PRKCA: variants seen among roughly 807,000 people sequenced by gnomAD.
PRKCA encodes the protein protein kinase C alpha.
PRKCA carries 27 observed loss-of-function variants against 87.0 expected under a neutral mutation model. That is an observed-to-expected ratio of 0.31 (90% CI 0.23 to 0.43). PRKCA has a LOEUF of 0.43. Ranked by LOEUF, PRKCA falls within the 20% of genes least tolerant of loss-of-function variation. PRKCA has a pLI of 1.00. For synonymous variants in PRKCA, 329 were observed against 311.1 expected (o/e 1.06, Z -0.61); for missense variants, 518 against 852.3 (o/e 0.61, Z 4.88).
In PRKCA at chr17:66,678,394, G is replaced by A. The variant is rs112032832; in HGVS notation, c.530-8717G>A. On this transcript the variant is annotated intron_variant, in intron 5 of 16. Transcript: ENST00000413366. ...TTCTGTTGTCTTAACTGGGAAGTTT[G>A]CGTATACTTTGTTCCAGCAGCCACA... Among the ~76,000 whole-genome samples, 1,281 of 152,300 alleles carry A rather than the reference G, an allele frequency of 8.4e-3. 25 individuals are homozygous for A. The highest frequency in any genetic ancestry group is 0.03 in the African/African-American group (1,230 of 41,568).
At chr17:66,499,898 G>A (rs1439060238) in intron 3 of PRKCA, among the ~76,000 whole-genome samples, 2 of 152,106 alleles carry the variant, frequency 1.3e-5, no homozygotes, top group East Asian at 3.9e-4. Flanking sequence ...ATACTCAACT[G>A]ACTCCCAGTG....
intron 8 of PRKCA, among the ~76,000 whole-genome samples, chr17:66,730,081 A>G (rs1973849057): frequency 6.6e-6 from 1 of 152,134 alleles, no homozygotes; most frequent in African/African-American, 2.4e-5. Context: ...GTGAACCACC[A>G]TGTCTGGCCA....
At chr17:66,632,727 A>C (rs547994288) in intron 3 of PRKCA, among the ~76,000 whole-genome samples, 21 of 152,348 alleles carry the variant, frequency 1.4e-4, no homozygotes, top group African/African-American at 4.8e-4. Context: ...AGATCTGTCC[A>C]TGATTTTACA....
chr17:66,437,821 A>T (rs1913490222), intron 2 of PRKCA, among the ~76,000 whole-genome samples: 1 of 151,650 alleles, frequency 6.6e-6, no homozygotes, highest in Non-Finnish European at 1.5e-5. Context: ...AAACCCTCAT[A>T]GGTGAACTCA....
At chr17:66,498,331 C>T (rs1916574651) in intron 3 of PRKCA, among the ~76,000 whole-genome samples, 1 of 152,188 alleles carries the variant, frequency 6.6e-6, no homozygotes, top group African/African-American at 2.4e-5. Flanking sequence ...CACTTCCTTG[C>T]TCATCATTCC....
chr17:66,549,100 C>T (rs1036537447), intron 3 of PRKCA, among the ~76,000 whole-genome samples: 15 of 151,040 alleles, frequency 9.9e-5, no homozygotes, highest in Non-Finnish European at 1.6e-4. Context: ...GCCACCGTGC[C>T]GGGCCACTTT....
chr17:66,802,293 C>T (rs1975918849), intron 16 of PRKCA, among the ~76,000 whole-genome samples: 1 of 152,164 alleles, frequency 6.6e-6, no homozygotes, highest in East Asian at 1.9e-4. Context: ...GAATTTATGA[C>T]ATGCTTTCCA....
At chr17:66,625,244 A>G (rs866085420) in intron 3 of PRKCA, among the ~76,000 whole-genome samples, 1 of 152,246 alleles carries the variant, frequency 6.6e-6, no homozygotes. Flanking sequence ...CCAGAACAGA[A>G]TGTTTGAATT....
chr17:66,472,905 G>A (rs1038918000), intron 2 of PRKCA, among the ~76,000 whole-genome samples: 5 of 152,120 alleles, frequency 3.3e-5, no homozygotes, highest in African/African-American at 9.7e-5. Flanking sequence ...GGTGAATGAG[G>A]CAGCCTTTGT....
chr17:66,799,670 GTGGTGGTGGTAA>G (rs1412499727), intron 16 of PRKCA, among the ~76,000 whole-genome samples: 1 of 142,532 alleles, frequency 7.0e-6, no homozygotes, highest in Non-Finnish European at 1.5e-5. Flanking sequence ...GGTGGTGGTG[GTGGTGGTGGTAA>G]TGGTGGTGGT....
At chr17:66,473,406 A>G (rs1367982547) in intron 2 of PRKCA, among the ~76,000 whole-genome samples, 1 of 152,078 alleles carries the variant, frequency 6.6e-6, no homozygotes, top group Non-Finnish European at 1.5e-5. Context: ...CGCTGTGCCC[A>G]TTTCAGACTC....
intron 8 of PRKCA, among the ~76,000 whole-genome samples, chr17:66,694,480 C>CAA (rs57941055): frequency 0.018 from 617 of 35,156 alleles, 100 homozygotes; most frequent in African/African-American, 0.074. Flanking sequence ...GACTCTGTCT[C>CAA]AAAAAAAAAA....
chr17:66,652,662 C>G (rs978723249), intron 5 of PRKCA, among the ~76,000 whole-genome samples: 1 of 152,194 alleles, frequency 6.6e-6, no homozygotes, highest in Non-Finnish European at 1.5e-5. Flanking sequence ...TAGGTGTTCA[C>G]TGTACTGTTC....
intron 8 of PRKCA, among the ~76,000 whole-genome samples, chr17:66,723,299 C>T (rs930110038): frequency 5.3e-5 from 8 of 152,182 alleles, no homozygotes; most frequent in African/African-American, 1.4e-4. Context: ...AGTGCAGTCT[C>T]CTGCACTTTG....
intron 3 of PRKCA, among the ~76,000 whole-genome samples, chr17:66,539,496 C>G (rs1195210803): frequency 6.6e-6 from 1 of 151,854 alleles, no homozygotes; most frequent in Non-Finnish European, 1.5e-5. Context: ...CTCCGCCTCT[C>G]AGGTTCACGC....
intron 5 of PRKCA, among the ~76,000 whole-genome samples, chr17:66,646,568 A>G (rs1324702330): frequency 6.6e-6 from 1 of 152,196 alleles, no homozygotes. Flanking sequence ...ATTTGAAGCT[A>G]TCATAAACAT....
intron 5 of PRKCA, among the ~76,000 whole-genome samples, chr17:66,665,802 AG>A (rs1442630951): frequency 1.3e-5 from 2 of 152,238 alleles, no homozygotes; most frequent in Admixed American, 1.3e-4. Context: ...AAAACATACA[AG>A]TGTCTATATG....
intron 8 of PRKCA, among the ~76,000 whole-genome samples, chr17:66,695,542 G>A (rs1227088164): frequency 6.6e-5 from 10 of 152,128 alleles, no homozygotes; most frequent in Admixed American, 6.5e-4. Context: ...ATTCAATTTT[G>A]CTCAATTGTC....
chr17:66,524,711 A>G (rs1967285456), intron 3 of PRKCA, among the ~76,000 whole-genome samples: 1 of 152,168 alleles, frequency 6.6e-6, no homozygotes, highest in Non-Finnish European at 1.5e-5. Flanking sequence ...CTCTGTGCTC[A>G]CAGAGCTTAG....
Sources: allele counts gnomAD v4.1 joint callset (sites outside exome capture counted in the v4.1 genomes callset), GRCh38; gene constraint gnomAD v4.1.1; transcripts MANE v1.5; gene names NCBI Gene and HGNC (gene_info 2026-07-23, HGNC 2026-07-21).